DCLK2: variants seen among roughly 807,000 people sequenced by gnomAD.
DCLK2 encodes the protein serine/threonine-protein kinase DCLK2.
Under a neutral mutation model 78.4 loss-of-function variants are expected in DCLK2, and 31 were observed. The ratio of observed to expected loss-of-function variants is 0.40; its 90% CI spans 0.30 to 0.53. The LOEUF (loss-of-function observed/expected upper bound fraction) is 0.53, where lower values mean the gene tolerates loss of function less well. Among genes scored for constraint, DCLK2 ranks in the 20% least tolerant of loss-of-function variants. The probability of loss-of-function intolerance (pLI) is 0.61; values close to 1 mark genes in which losing one functional copy is unlikely to be tolerated. For synonymous variants in DCLK2, 407 were observed against 374.9 expected (o/e 1.09, Z -0.99); for missense variants, 872 against 973.7 (o/e 0.90, Z 1.39).
Position 150,126,958 on chromosome 4 carries a change from C to T in DCLK2, c.756+24146C>T, listed in dbSNP as rs116355224. On this transcript the variant is annotated intron_variant, in intron 2 of 15. Coordinates refer to ENST00000296550, the MANE Select transcript of DCLK2 (RefSeq NM_001040260.4). ...TCATGATCTTTTTGAAGAGTTCTGG[C>T]TAGTTGCTTTGTACCGTTTGCTTCA... 2.7e-3 allele frequency among the ~76,000 whole-genome samples: 405 copies of T among 152,246 alleles called. 2 individuals are homozygous for T. The highest frequency in any genetic ancestry group is 9.6e-3 in the African/African-American group (399 of 41,554).
intron 2 of DCLK2, among the ~76,000 whole-genome samples, chr4:150,190,274 GATAGATAGATAGATAGATAGATAGGCAGA>G (rs1560851020): frequency 3.4e-5 from 5 of 147,998 alleles, no homozygotes; most frequent in African/African-American, 7.9e-5. Flanking sequence ...TAGATAGATA[GATAGATAGATAGATAGATAGATAGGCAGA>G]CAGACAGACA....
At chr4:150,213,162 G>A (rs1740438427) in intron 5 of DCLK2, among the ~76,000 whole-genome samples, 1 of 152,234 alleles carries the variant, frequency 6.6e-6, no homozygotes, top group African/African-American at 2.4e-5. Flanking sequence ...GTCACCTGTG[G>A]TGGTTTCTGT....
At chr4:150,122,441 A>G (rs1296856355) in intron 2 of DCLK2, among the ~76,000 whole-genome samples, 1 of 152,200 alleles carries the variant, frequency 6.6e-6, no homozygotes, top group Non-Finnish European at 1.5e-5. Flanking sequence ...GTATGAGTTC[A>G]TGTCCTTTGC....
At chr4:150,253,361 C>A in intron 15 of DCLK2, 1 of 1,144,086 alleles carries the variant, frequency 8.7e-7, no homozygotes, top group Non-Finnish European at 1.2e-6. Context: ...CTAGTGTTCT[C>A]ATCCCCAGAG....
At chr4:150,208,194 A>T (rs559539014) in intron 5 of DCLK2, among the ~76,000 whole-genome samples, 1 of 152,326 alleles carries the variant, frequency 6.6e-6, no homozygotes, top group African/African-American at 2.4e-5. Context: ...GGTTGGGCCT[A>T]GTCAAGCAGA....
intron 2 of DCLK2, among the ~76,000 whole-genome samples, chr4:150,144,727 C>T (rs904307031): frequency 2.0e-5 from 3 of 152,092 alleles, no homozygotes; most frequent in African/African-American, 7.2e-5. Context: ...CCTGGGACTG[C>T]AGGCATGTGC....
intron 2 of DCLK2, among the ~76,000 whole-genome samples, chr4:150,165,232 G>A (rs1378872625): frequency 3.3e-5 from 5 of 152,236 alleles, no homozygotes; most frequent in African/African-American, 1.2e-4. Flanking sequence ...GAGCTGTGGA[G>A]TGTTTAATTC....
chr4:150,251,900 T>G (rs1448041831), intron 15 of DCLK2, among the ~76,000 whole-genome samples: 1 of 151,652 alleles, frequency 6.6e-6, no homozygotes, highest in African/African-American at 2.4e-5. Flanking sequence ...TCCTTGCAAC[T>G]CCCCAGCTGC....
At chr4:150,086,700 T>A (rs192060912) in intron 1 of DCLK2, among the ~76,000 whole-genome samples, 237 of 151,912 alleles carry the variant, frequency 1.6e-3, no homozygotes, top group African/African-American at 4.2e-3. Flanking sequence ...TAGAGATGGG[T>A]TTTCACCGTG....
intron 14 of DCLK2, among the ~76,000 whole-genome samples, chr4:150,249,143 C>T (rs1743552620): frequency 6.6e-6 from 1 of 152,094 alleles, no homozygotes; most frequent in Admixed American, 6.5e-5. Context: ...GCTAAGATAC[C>T]ACATTTTTTT....
chr4:150,181,617 G>GT (rs145929610), intron 2 of DCLK2, among the ~76,000 whole-genome samples: 3,864 of 146,312 alleles, frequency 0.026, 121 homozygotes, highest in African/African-American at 0.079. Flanking sequence ...TAGATCCAGT[G>GT]TTTTTTTATT....
At chr4:150,214,237 C>G (rs1029089109) in intron 5 of DCLK2, among the ~76,000 whole-genome samples, 2 of 152,196 alleles carry the variant, frequency 1.3e-5, no homozygotes, top group Non-Finnish European at 2.9e-5. Context: ...TGTTCTCAAC[C>G]TTGGCTGCAT....
At chr4:150,099,845 C>T (rs1172081722) in intron 1 of DCLK2, among the ~76,000 whole-genome samples, 1 of 152,130 alleles carries the variant, frequency 6.6e-6, no homozygotes, top group Non-Finnish European at 1.5e-5. Flanking sequence ...ATTTGTTAAC[C>T]TTGTAGGCAT....
chr4:150,112,631 T>C (rs1272419005), intron 2 of DCLK2, among the ~76,000 whole-genome samples: 2 of 151,692 alleles, frequency 1.3e-5, no homozygotes, highest in African/African-American at 2.4e-5. Context: ...TTTTCTTTAT[T>C]TTTTTTATCA....
chr4:150,083,835 T>TA (rs1729465637), intron 1 of DCLK2, among the ~76,000 whole-genome samples: 1 of 152,232 alleles, frequency 6.6e-6, no homozygotes, highest in African/African-American at 2.4e-5. Flanking sequence ...ATAGCACCTA[T>TA]GAAGTCTCTT....
At chr4:150,240,500 A>G in intron 12 of DCLK2, 24 bp downstream of exon 12, 4 of 1,524,764 alleles carry the variant, frequency 2.6e-6, no homozygotes, top group Non-Finnish European at 3.6e-6. Flanking sequence ...TGGGCGACGT[A>G]TTTGAATTGC....
At chr4:150,116,112 A>G (rs887227863) in intron 2 of DCLK2, among the ~76,000 whole-genome samples, 2 of 152,148 alleles carry the variant, frequency 1.3e-5, no homozygotes, top group Non-Finnish European at 2.9e-5. Flanking sequence ...TTGCTGTTCT[A>G]TGTAGAGAGG....
chr4:150,136,863 AT>A (rs1733721258), intron 2 of DCLK2, among the ~76,000 whole-genome samples: 2 of 152,092 alleles, frequency 1.3e-5, no homozygotes, highest in Admixed American at 1.3e-4. Flanking sequence ...ATAAATATTA[AT>A]TTGATGAATG....
At chr4:150,199,074 C>T in intron 4 of DCLK2, 1 of 1,596,054 alleles carries the variant, frequency 6.3e-7, no homozygotes, top group Non-Finnish European at 8.5e-7. Flanking sequence ...CAGCCAAATC[C>T]CCAGGTGAGC....
Sources: gnomAD v4.1 joint callset for allele counts (sites outside exome capture counted in the v4.1 genomes callset) on GRCh38, gnomAD v4.1.1 for gene constraint, MANE v1.5 for transcripts, NCBI Gene and HGNC (gene_info 2026-07-23, HGNC 2026-07-21) for gene names.